The following AHCYL2 variants were observed in gnomAD, a reference collection of about 807,000 sequenced individuals.
AHCYL2 encodes S-adenosylhomocysteine hydrolase-like protein 2.
In AHCYL2, 28 loss-of-function variants were observed where a neutral mutation model predicts 81.4. That is an observed-to-expected ratio of 0.34 (90% CI 0.25 to 0.47). AHCYL2 has a LOEUF of 0.47. Ranked by LOEUF, AHCYL2 falls within the 20% of genes least tolerant of loss-of-function variation. The pLI, the probability that AHCYL2 is intolerant of heterozygous loss-of-function variation, is 1.00. For missense variants in AHCYL2, 551 were observed against 785.1 expected (o/e 0.70, Z 3.56); for synonymous variants, 272 against 290.2 (o/e 0.94, Z 0.64).
rs1442938058 is a variant in AHCYL2 at position 129,428,957 on chromosome 7, G to A, written c.*1912G>A. ...TTTTTGTATTAATTGGTTCCCTTTA[G>A]CAAGGGATTCAGATCTTTGTACCTT... On this transcript the variant is annotated 3_prime_UTR_variant, in exon 17 of 17. Coordinates refer to ENST00000325006, the MANE Select transcript of AHCYL2 (RefSeq NM_015328.4). 6.6e-6 allele frequency: 1 copy of A among 152,126 alleles called. No homozygotes were observed. The highest frequency in any genetic ancestry group is 1.9e-4 in the East Asian group (1 of 5,198). The allele number at this position is 152,126 out of a possible 1,614,324, so 9.4% of individuals were successfully genotyped here. A position where few individuals can be genotyped will look rare whatever the true frequency, so the allele number is the denominator to read the frequency against.
chr7:129,231,810 T>C (rs1182045071), intron 1 of AHCYL2, among the ~76,000 whole-genome samples: 1 of 152,252 alleles, frequency 6.6e-6, no homozygotes, highest in Non-Finnish European at 1.5e-5. Flanking sequence ...ACTCTAAAAT[T>C]ACTTTGATTA....
chr7:129,380,250 C>T (rs1400264717), intron 2 of AHCYL2, among the ~76,000 whole-genome samples: 3 of 152,190 alleles, frequency 2.0e-5, no homozygotes, highest in African/African-American at 7.2e-5. Context: ...TGTTATTCCT[C>T]CCATCCTTTG....
intron 1 of AHCYL2, among the ~76,000 whole-genome samples, chr7:129,334,230 A>G (rs1798516866): frequency 6.6e-6 from 1 of 152,236 alleles, no homozygotes; most frequent in African/African-American, 2.4e-5. Context: ...GTAAAAAACT[A>G]CAAATCCAAC....
At chr7:129,358,265 G>A (rs890221234) in intron 1 of AHCYL2, among the ~76,000 whole-genome samples, 1 of 151,828 alleles carries the variant, frequency 6.6e-6, no homozygotes, top group Non-Finnish European at 1.5e-5. Context: ...GGTGGCGGGC[G>A]CCTGTAGTCC....
At chr7:129,252,493 G>A (rs1350579775) in intron 1 of AHCYL2, among the ~76,000 whole-genome samples, 2 of 152,202 alleles carry the variant, frequency 1.3e-5, no homozygotes, top group Non-Finnish European at 2.9e-5. Context: ...GAGGCTGCAC[G>A]TGATGGCTCA....
In AHCYL2 at chr7:129,251,844, T is replaced by G. The variant is rs143695627; in HGVS notation, c.363+26405T>G. Among the ~76,000 whole-genome samples, 662 of 152,334 alleles carry G rather than the reference T, an allele frequency of 4.3e-3. 3 individuals carry two copies. The highest frequency in any genetic ancestry group is 7.7e-3 in the South Asian group (37 of 4,826). On this transcript the variant is annotated intron_variant, in intron 1 of 16. Transcript: ENST00000325006. Reference sequence around the variant, plus strand: ...CATTAATCTGCATGCTTAATCCTAATTTTTTTCTTGTCACACTGCCTTCTG... The same window carrying G: ...CATTAATCTGCATGCTTAATCCTAAGTTTTTTCTTGTCACACTGCCTTCTG...
At chr7:129,409,382 A>G in intron 10 of AHCYL2, 94 bp from the exon 11 acceptor site, 1 of 892,242 alleles carries the variant, frequency 1.1e-6, no homozygotes. Context: ...TATCTCAAGA[A>G]ATGACAGCAA....
intron 1 of AHCYL2, among the ~76,000 whole-genome samples, chr7:129,243,019 T>C (rs13237450): frequency 8.0e-6 from 1 of 124,294 alleles, no homozygotes; most frequent in East Asian, 2.1e-4. Flanking sequence ...ATTGTTTCTC[T>C]TTTTTTTTTT....
chr7:129,285,498 T>C (rs938364514), intron 1 of AHCYL2, among the ~76,000 whole-genome samples: 1 of 152,042 alleles, frequency 6.6e-6, no homozygotes, highest in African/African-American at 2.4e-5. Context: ...GGAACCAGGA[T>C]TGAGGAGTCT....
intron 1 of AHCYL2, among the ~76,000 whole-genome samples, chr7:129,281,489 A>ATTTTTT (rs34422629): frequency 3.1e-4 from 23 of 74,160 alleles, no homozygotes; most frequent in East Asian, 3.8e-4. Context: ...CTGTTTCTAG[A>ATTTTTT]TTTTTTTTTT....
intron 1 of AHCYL2, among the ~76,000 whole-genome samples, chr7:129,228,728 C>G (rs554513169): frequency 2.6e-5 from 4 of 152,324 alleles, no homozygotes; most frequent in Admixed American, 6.5e-5. Context: ...AGGCTGCAAG[C>G]CCAAGAACCT....
chr7:129,384,625 C>T (rs1795120475), intron 2 of AHCYL2, among the ~76,000 whole-genome samples: 1 of 152,176 alleles, frequency 6.6e-6, no homozygotes, highest in Non-Finnish European at 1.5e-5. Context: ...TACTCAGAGG[C>T]TTACATAGGC....
At chr7:129,277,930 G>A (rs552061250) in intron 1 of AHCYL2, among the ~76,000 whole-genome samples, 4 of 152,068 alleles carry the variant, frequency 2.6e-5, no homozygotes, top group African/African-American at 4.8e-5. Context: ...TTTGTTCCTC[G>A]TTGTTAAATA....
At chr7:129,255,153 C>T (rs1336153379) in intron 1 of AHCYL2, among the ~76,000 whole-genome samples, 2 of 151,732 alleles carry the variant, frequency 1.3e-5, no homozygotes, top group East Asian at 3.9e-4. Flanking sequence ...ACCAGCTACT[C>T]GGGAGGCTGA....
In AHCYL2 at chr7:129,402,240, G is replaced by A. The variant is rs1796073054; in HGVS notation, c.919-1139G>A. Among the ~76,000 whole-genome samples the A allele has an allele frequency of 2.6e-5, 4 of 152,126 alleles. No individual in the cohort carries two copies. The South Asian group carries it at 8.3e-4, about 32-fold the overall frequency. ...TCTGGGGGTTTCTACTTGTAGTATG[G>A]AGCAAGTACAAGAGCTTTGATGAGA... On this transcript the variant is annotated intron_variant, in intron 6 of 16. Transcript: ENST00000325006.
intron 1 of AHCYL2, among the ~76,000 whole-genome samples, chr7:129,267,230 G>GGTGTGTGTGTGTGTGTGT (rs769745702): frequency 3.4e-5 from 2 of 59,160 alleles, no homozygotes; most frequent in African/African-American, 8.7e-5. Context: ...TCACTCAAGG[G>GGTGTGTGTGTGTGTGTGT]GTGTGTGTGT....
intron 6 of AHCYL2, among the ~76,000 whole-genome samples, chr7:129,402,201 C>T (rs991163349): frequency 1.3e-5 from 2 of 152,052 alleles, no homozygotes; most frequent in Non-Finnish European, 2.9e-5. Flanking sequence ...TTTTTGCTTT[C>T]TTGGGGCATC....
intron 1 of AHCYL2, among the ~76,000 whole-genome samples, chr7:129,340,445 A>G (rs945579784): frequency 1.5e-4 from 22 of 151,192 alleles, no homozygotes; most frequent in South Asian, 6.3e-4. Flanking sequence ...GCAGTTGCCT[A>G]TAGTCCCAGC....
chr7:129,309,227 G>A (rs996718001), intron 1 of AHCYL2, among the ~76,000 whole-genome samples: 15 of 151,032 alleles, frequency 9.9e-5, no homozygotes, highest in South Asian at 2.1e-4. Flanking sequence ...GCAAGACTTC[G>A]TCTCAAAACA....
Sources: gnomAD v4.1 joint callset for allele counts (sites outside exome capture counted in the v4.1 genomes callset) on GRCh38, gnomAD v4.1.1 for gene constraint, MANE v1.5 for transcripts, NCBI Gene and HGNC (gene_info 2026-07-23, HGNC 2026-07-21) for gene names.